SELENOI: variants seen among roughly 807,000 people sequenced by gnomAD.
The protein encoded by SELENOI is selenoprotein I, also known as ethanolaminephosphotransferase 1.
A neutral mutation model predicts 50.7 loss-of-function variants in SELENOI; 24 were observed. The ratio of observed to expected loss-of-function variants is 0.47; its 90% CI spans 0.34 to 0.67. SELENOI has a LOEUF of 0.67. SELENOI is among the 30% of genes least tolerant of loss of function. The pLI is 0.01. For missense variants in SELENOI, 352 were observed against 461.4 expected, an observed-to-expected ratio of 0.76 and a Z score of 2.17; for synonymous variants, 155 against 170.2, an observed-to-expected ratio of 0.91 and a Z score of 0.70.
At chr2:26,375,195 C>G (rs1282812302) in intron 6 of SELENOI, 47 bp downstream of exon 6, 1 of 1,257,610 alleles carries the variant, frequency 8.0e-7, no homozygotes, top group Non-Finnish European at 1.1e-6. Flanking sequence ...ACTTTGTTAT[C>G]AAAAGAGCCG....
intron 3 of SELENOI, among the ~76,000 whole-genome samples, chr2:26,366,222 A>G (rs987192322): frequency 6.6e-6 from 1 of 152,166 alleles, no homozygotes; most frequent in Non-Finnish European, 1.5e-5. Context: ...GGAAATGCCA[A>G]CTCTGAAGCA....
chr2:26,379,329 TTATG>T (rs1267090404), intron 6 of SELENOI, among the ~76,000 whole-genome samples: 1 of 152,182 alleles, frequency 6.6e-6, no homozygotes, highest in East Asian at 1.9e-4. Flanking sequence ...TCTTTGAAGT[TTATG>T]TATTGAAGAA....
rs1677933711 is a variant in SELENOI at position 26,390,225 on chromosome 2, A to G, written c.*1122A>G. The G allele has an allele frequency of 6.6e-6, 1 of 152,288 alleles. No individual in the cohort carries two copies. Among genetic ancestry groups the G allele is most frequent in the Non-Finnish European group, 1.5e-5 (1 of 68,012 alleles). 9.4% of individuals were successfully genotyped at this position (152,288 alleles called of 1,614,324 possible). Reference sequence around the variant, plus strand: ...TAATTTCTGAGGTTTACTGACAAACATAAAAATCCCTTTAATTGTAGTGTA... The same window carrying G: ...TAATTTCTGAGGTTTACTGACAAACGTAAAAATCCCTTTAATTGTAGTGTA... On this transcript the variant is annotated 3_prime_UTR_variant, in exon 10 of 10. Transcript: ENST00000260585.
At chr2:26,383,477 C>A in intron 7 of SELENOI, 130 bp downstream of exon 7, 1 of 651,364 alleles carries the variant, frequency 1.5e-6, no homozygotes, top group Non-Finnish European at 2.6e-6. Context: ...TATTTTAAAT[C>A]TTTAATGGGG....
At chr2:26,360,497 C>T (rs1182194551) in intron 1 of SELENOI, among the ~76,000 whole-genome samples, 1 of 152,174 alleles carries the variant, frequency 6.6e-6, no homozygotes, top group Non-Finnish European at 1.5e-5. Flanking sequence ...TCCTTAAAGA[C>T]GTTCTTTTAG....
chr2:26,374,101 C>T (rs954499428), intron 5 of SELENOI, among the ~76,000 whole-genome samples: 12 of 152,042 alleles, frequency 7.9e-5, no homozygotes, highest in East Asian at 3.9e-4. Context: ...ATAAATACTT[C>T]GCTATATATC....
rs1677396870 is a variant in SELENOI, at chr2:26,370,548, C to T, written c.311-2819C>T. On this transcript the variant is annotated intron_variant, in intron 4 of 9. Coordinates refer to ENST00000260585, the MANE Select transcript of SELENOI (RefSeq NM_033505.4). ...GGCCGGGCAGAGGGGCTCCTCACGTCCCAGTAGGGGCCACCGGGCAGAGGC... is the reference window on the plus strand; with the variant it reads ...GGCCGGGCAGAGGGGCTCCTCACGTTCCAGTAGGGGCCACCGGGCAGAGGC... Among the ~76,000 whole-genome samples the T allele has an allele frequency of 4.2e-5, 5 of 119,894 alleles. No individual in the cohort carries two copies. The South Asian group carries it at 1.6e-3, about 39-fold the overall frequency. 78.7% of individuals were successfully genotyped at this position (119,894 alleles called of 152,430 possible). A position where few individuals can be genotyped will look rare whatever the true frequency, so the allele number is the denominator to read the frequency against.
chr2:26,367,257 TG>T, intron 4 of SELENOI, 37 bp downstream of exon 4: 1 of 1,508,996 alleles, frequency 6.6e-7, no homozygotes, highest in Non-Finnish European at 9.1e-7. Context: ...AGTCAGTGAC[TG>T]GTGAATCAGC....
chr2:26,368,029 G>C (rs767465874), intron 4 of SELENOI, among the ~76,000 whole-genome samples: 30 of 152,090 alleles, frequency 2.0e-4, no homozygotes, highest in African/African-American at 6.8e-4. Flanking sequence ...CCCCAGTATC[G>C]TAGACACTCG....
At position 26,375,104 on chromosome 2, in the gene SELENOI, T is replaced by G. The variant is rs1384598361; in HGVS notation, c.638T>G (p.Leu213Arg). ...VGVEAWYEPF[L>R]FNFLYRDLFT... Reference sequence around the variant, plus strand: ...GTTGAGGCCTGGTATGAACCTTTCCTGTTTAATTTCTTATATAGAGACCTA... The same window carrying G: ...GTTGAGGCCTGGTATGAACCTTTCCGGTTTAATTTCTTATATAGAGACCTA... The change falls in exon 6 of 10, where the codon CTG (leucine) becomes CGG (arginine). Residue 213 changes from leucine to arginine, a missense_variant. Transcript: ENST00000260585. 6.2e-7 allele frequency: 1 copy of G among 1,613,200 alleles called. No homozygotes were observed. The highest frequency in any genetic ancestry group is 8.5e-7 in the Non-Finnish European group (1 of 1,179,378).
At chr2:26,347,125 C>T (rs1172358456) in intron 1 of SELENOI, among the ~76,000 whole-genome samples, 1 of 152,152 alleles carries the variant, frequency 6.6e-6, no homozygotes, top group Admixed American at 6.5e-5. Context: ...GTCGACCAAG[C>T]CTGAAATATG....
At chr2:26,368,896 A>G (rs1232775089) in intron 4 of SELENOI, among the ~76,000 whole-genome samples, 1 of 152,180 alleles carries the variant, frequency 6.6e-6, no homozygotes, top group African/African-American at 2.4e-5. Flanking sequence ...GTATAACAGA[A>G]ATCTGTAGTA....
intron 1 of SELENOI, among the ~76,000 whole-genome samples, chr2:26,363,385 G>A (rs566806059): frequency 6.6e-6 from 1 of 152,154 alleles, no homozygotes; most frequent in Non-Finnish European, 1.5e-5. Context: ...CACAGATTCC[G>A]CTAAGTTGAG....
chr2:26,356,771 C>A (rs538992343), intron 1 of SELENOI, among the ~76,000 whole-genome samples: 1 of 152,274 alleles, frequency 6.6e-6, no homozygotes, highest in Non-Finnish European at 1.5e-5. Context: ...AAATCCAACT[C>A]CCTGTGGTCC....
Position 26,346,283 on chromosome 2 carries a change from G to A in SELENOI, c.51G>A (p.Lys17=), listed in dbSNP as rs1369298754. ...CGGAGCAGCTGGCTGGCTTTGATAA[G>A]TACAAGGTACCGCGGGCCGGCGGAT... ...VSPEQLAGFD[K]YKYSAVDTNP... Residue 17 remains lysine (K), a synonymous_variant, in exon 1 of 10, where the codon AAG becomes AAA. Coordinates refer to ENST00000260585, the MANE Select transcript of SELENOI (RefSeq NM_033505.4). 2 of 1,611,350 alleles carry A rather than the reference G, an allele frequency of 1.2e-6. No individual in the cohort carries two copies. Among genetic ancestry groups the A allele is most frequent in the African/African-American group, 1.3e-5 (1 of 74,818 alleles).
chr2:26,347,628 G>C (rs1451072570), intron 1 of SELENOI, among the ~76,000 whole-genome samples: 1 of 152,130 alleles, frequency 6.6e-6, no homozygotes. Flanking sequence ...TGTTAACCCA[G>C]ATACCTCCTG....
intron 1 of SELENOI, among the ~76,000 whole-genome samples, chr2:26,363,261 G>A (rs925034758): frequency 6.6e-6 from 1 of 152,168 alleles, no homozygotes; most frequent in Non-Finnish European, 1.5e-5. Flanking sequence ...ACAATCCCTT[G>A]AGGTAAGGAC....
chr2:26,365,492 C>T (rs58275501), intron 3 of SELENOI, among the ~76,000 whole-genome samples: 14,148 of 152,186 alleles, frequency 0.093, 1,760 homozygotes, highest in East Asian at 0.61. Context: ...TGTTTCACAC[C>T]CAGCTTCTGC....
At chr2:26,373,148 C>G (rs1163690336) in intron 4 of SELENOI, among the ~76,000 whole-genome samples, 3 of 152,216 alleles carry the variant, frequency 2.0e-5, no homozygotes, top group African/African-American at 7.2e-5. Flanking sequence ...CTTGGCCTCC[C>G]AAAGTGTGGG....
Sources: allele counts gnomAD v4.1 joint callset (sites outside exome capture counted in the v4.1 genomes callset), GRCh38; gene constraint gnomAD v4.1.1; transcripts MANE v1.5; gene names NCBI Gene and HGNC (gene_info 2026-07-23, HGNC 2026-07-21).